SKI: variants seen among roughly 807,000 people sequenced by gnomAD.
SKI encodes the protein ski oncogene.
In SKI, 23 loss-of-function variants were observed where a neutral mutation model predicts 59.3. The observed-to-expected ratio is 0.39, with a 90% CI of 0.28 to 0.55. The LOEUF (loss-of-function observed/expected upper bound fraction) is 0.55. Ranked by LOEUF, SKI falls within the 20% of genes least tolerant of loss-of-function variation. The pLI is 0.67. For missense variants in SKI, 1,017 were observed against 1,038.9 expected, an observed-to-expected ratio of 0.98 and a Z score of 0.29; for synonymous variants, 673 against 488.6, an observed-to-expected ratio of 1.38 and a Z score of -4.98.
rs1456686909 is a variant in SKI at position 2,310,187 on chromosome 1, A to G, written c.*3422A>G. The G allele has an allele frequency of 1.3e-5, 2 of 151,942 alleles. No homozygotes were observed. The highest frequency in any genetic ancestry group is 3.9e-4 in the East Asian group (2 of 5,130). The allele number at this position is 151,942 out of a possible 1,614,324, so 9.4% of individuals were successfully genotyped here. ...CTTCCCCGACCCCGAAACAGATGACATTGTACAATAAAGGACTTTGAGAGG... is the reference window on the plus strand; with the variant it reads ...CTTCCCCGACCCCGAAACAGATGACGTTGTACAATAAAGGACTTTGAGAGG... On this transcript the variant is annotated 3_prime_UTR_variant, in exon 7 of 7. Coordinates refer to ENST00000378536, the MANE Select transcript of SKI (RefSeq NM_003036.4).
At chr1:2,254,704 A>C (rs765731811) in intron 1 of SKI, among the ~76,000 whole-genome samples, 26 of 152,156 alleles carry the variant, frequency 1.7e-4, no homozygotes, top group Admixed American at 3.9e-4. Flanking sequence ...AAGTTATCAC[A>C]GTCTTGGCCA....
chr1:2,299,603 C>T (rs897544547), intron 1 of SKI, among the ~76,000 whole-genome samples: 1 of 152,168 alleles, frequency 6.6e-6, no homozygotes, highest in African/African-American at 2.4e-5. Context: ...GGGTTGAGGT[C>T]TTCTGTGTTT....
rs1233654464 is a variant in SKI at position 2,294,138 on chromosome 1, C to T, written c.970-8840C>T. 3.3e-5 allele frequency among the ~76,000 whole-genome samples: 5 copies of T among 152,280 alleles called. No individual in the cohort carries two copies. The East Asian group carries it at 7.7e-4, about 24-fold the overall frequency. ...GCCGATGTGATAGGTGCGGCAGCTT[C>T]CTCTTCCCCTGAGCGGGGGCTTCCA... On this transcript the variant is annotated intron_variant, in intron 1 of 6. Transcript: ENST00000378536.
rs149105394 is a variant in SKI at position 2,306,074 on chromosome 1, G to A, written c.1822G>A (p.Ala608Thr). 6.2e-7 allele frequency: 1 copy of A among 1,602,294 alleles called. No individual in the cohort carries two copies. Among genetic ancestry groups the A allele is most frequent in the Non-Finnish European group, 8.5e-7 (1 of 1,175,912 alleles). ...KKEKLREATE[A>T]KRNLRKEIER... ...GGAGAAGCTGCGGGAGGCCACGGAGGCCAAGCGTAACCTGCGGAAGGAGAT... is the reference window on the plus strand; with the variant it reads ...GGAGAAGCTGCGGGAGGCCACGGAGACCAAGCGTAACCTGCGGAAGGAGAT... Residue 608 changes from alanine (A) to threonine (T), a missense_variant, in exon 6 of 7, where the codon GCC (alanine) becomes ACC (threonine). Ala to Thr is a moderately conservative substitution (Grantham distance 58). Transcript: ENST00000378536.
intron 1 of SKI, among the ~76,000 whole-genome samples, chr1:2,231,814 GC>G (rs933125687): frequency 5.3e-5 from 8 of 152,324 alleles, no homozygotes; most frequent in African/African-American, 1.9e-4. Flanking sequence ...TGGGGGTGGG[GC>G]ACCCATCCTG....
At chr1:2,245,101 C>G (rs1032854948) in intron 1 of SKI, among the ~76,000 whole-genome samples, 7 of 152,162 alleles carry the variant, frequency 4.6e-5, no homozygotes, top group African/African-American at 1.7e-4. Flanking sequence ...ATTCTGCCTC[C>G]CCCAGCCCCC....
chr1:2,305,124 G>T (rs534095689), intron 5 of SKI, among the ~76,000 whole-genome samples: 92 of 152,164 alleles, frequency 6.0e-4, no homozygotes, highest in Non-Finnish European at 1.2e-3. Flanking sequence ...GAGAGGGCTC[G>T]GCCCGCACAG....
chr1:2,303,457 G>C lies in SKI; in HGVS notation c.1211+57G>C. On this transcript the variant is annotated intron_variant, in intron 3 of 6. Coordinates refer to ENST00000378536, the MANE Select transcript of SKI (RefSeq NM_003036.4). The surrounding 1 kb of genome is among the most constrained non-coding windows in gnomAD (Gnocchi z 5.6). ...TCACGGGGGAGGCTCCACGAGGGCT[G>C]TGCATGCGGACGCGCCCATGTTTCT... The C allele has an allele frequency of 1.4e-6, 2 of 1,476,222 alleles. No individual in the cohort carries two copies. The highest frequency in any genetic ancestry group is 2.3e-5 in the South Asian group (2 of 88,382). 91.4% of individuals were successfully genotyped at this position (1,476,222 alleles called of 1,614,324 possible). A position where few individuals can be genotyped will look rare whatever the true frequency, so the allele number is the denominator to read the frequency against.
At chr1:2,277,929 G>A (rs1553196743) in intron 1 of SKI, among the ~76,000 whole-genome samples, 1 of 151,594 alleles carries the variant, frequency 6.6e-6, no homozygotes, top group Non-Finnish European at 1.5e-5. Context: ...ACGGGCAGAT[G>A]TACACACATG....
intron 1 of SKI, among the ~76,000 whole-genome samples, chr1:2,295,716 G>A (rs4648630): frequency 4.4e-5 from 3 of 68,168 alleles, no homozygotes; most frequent in African/African-American, 8.8e-5. Context: ...GCCACGTGTG[G>A]CTATGTGTCC....
chr1:2,244,056 C>T (rs1270698997), intron 1 of SKI, among the ~76,000 whole-genome samples: 3 of 152,078 alleles, frequency 2.0e-5, no homozygotes, highest in Non-Finnish European at 2.9e-5. Context: ...AGCTCCGCCT[C>T]CCGGGTTCAT....
Position 2,302,994 on chromosome 1 carries a change from C to T in SKI, c.986C>T (p.Pro329Leu), listed in dbSNP as rs1407167491. 18 of 1,613,590 alleles carry T rather than the reference C, an allele frequency of 1.1e-5. No individual in the cohort carries two copies. Among genetic ancestry groups the T allele is most frequent in the South Asian group, 2.2e-5 (2 of 91,084 alleles). ...TGATCGCAGGTCTCCTCTGAGCCTC[C>T]GGCCTCCATAAGACCCAAAACAGAT... ...RRVPRVSSEP[P>L]ASIRPKTDDT... Residue 329 changes from proline (P) to leucine (L), a missense_variant, in exon 2 of 7, where the codon CCG (proline) becomes CTG (leucine). Physicochemically the swap from Pro to Leu is moderately conservative, Grantham distance 98. Transcript: ENST00000378536.
intron 1 of SKI, among the ~76,000 whole-genome samples, chr1:2,296,229 A>C (rs1048987282): frequency 5.9e-5 from 9 of 151,942 alleles, no homozygotes; most frequent in South Asian, 2.1e-4. Context: ...AAAAAACAAA[A>C]AAAAAAAAAC....
chr1:2,275,049 TCA>T (rs1380937511), intron 1 of SKI, among the ~76,000 whole-genome samples: 1 of 152,122 alleles, frequency 6.6e-6, no homozygotes, highest in Non-Finnish European at 1.5e-5. Context: ...TGAAGCGGCC[TCA>T]CAGGGGGTGG....
intron 1 of SKI, among the ~76,000 whole-genome samples, chr1:2,255,308 A>G (rs1639250155): frequency 6.6e-6 from 1 of 152,094 alleles, no homozygotes; most frequent in South Asian, 2.1e-4. Context: ...TGTACCTGCC[A>G]CAGCCCCACG....
rs1195884602 is a variant in SKI at position 2,310,042 on chromosome 1, T to A, written c.*3277T>A. ...CTGCTGCTAACGACAGTATGATGCT[T>A]ACTCTGCTACTCGGAAACTATTTTT... On this transcript the variant is annotated 3_prime_UTR_variant, in exon 7 of 7. Transcript: ENST00000378536. The A allele has an allele frequency of 6.6e-6, 1 of 150,602 alleles. No homozygotes were observed. The highest frequency in any genetic ancestry group is 1.5e-5 in the Non-Finnish European group (1 of 67,758). 9.3% of individuals were successfully genotyped at this position (150,602 alleles called of 1,614,324 possible).
At chr1:2,298,478 C>T (rs72642137) in intron 1 of SKI, among the ~76,000 whole-genome samples, 23,699 of 152,184 alleles carry the variant, frequency 0.16, 2,078 homozygotes, top group Middle Eastern at 0.24. Flanking sequence ...GTGGCCGTGG[C>T]CTGTCCCCGG....
Position 2,304,460 on chromosome 1 carries a change from G to T in SKI, c.1642G>T (p.Ala548Ser), listed in dbSNP as rs1434790266. The T allele has an allele frequency of 2.6e-6, 4 of 1,568,562 alleles. No homozygotes were observed. The highest frequency in any genetic ancestry group is 2.6e-6 in the Non-Finnish European group (3 of 1,158,198). Residue 548 changes from alanine to serine, a missense_variant, in exon 5 of 7, where the codon GCA becomes TCA. Physicochemically the swap from Ala to Ser is moderately conservative, Grantham distance 99 (BLOSUM62 1). Coordinates refer to ENST00000378536, the MANE Select transcript of SKI (RefSeq NM_003036.4). Reference protein sequence around the residue: ...LEAELEHLRQALEGGLDTKEA... With the variant: ...LEAELEHLRQSLEGGLDTKEA... The stretch of plus-strand genomic sequence containing the variant: ...GGCGGAGCTGGAGCACCTGCGGCAG[G>T]CACTGGAGGGCGGCCTGGACACCAA...
intron 1 of SKI, among the ~76,000 whole-genome samples, chr1:2,244,917 A>G (rs1419048098): frequency 6.6e-6 from 1 of 152,240 alleles, no homozygotes; most frequent in Non-Finnish European, 1.5e-5. Context: ...AGAAACTATT[A>G]CTAGAAACAG....
Sources: allele counts gnomAD v4.1 joint callset (sites outside exome capture counted in the v4.1 genomes callset), GRCh38; gene constraint gnomAD v4.1.1; non-coding constraint Gnocchi (gnomAD v3.1); transcripts MANE v1.5; gene names NCBI Gene and HGNC (gene_info 2026-07-23, HGNC 2026-07-21).